The following TACC2 variants were observed in gnomAD, a reference collection of about 807,000 sequenced individuals.
TACC2 encodes transforming acidic coiled-coil containing protein 2.
TACC2 carries 137 observed loss-of-function variants against 227.3 expected under a neutral mutation model. The observed-to-expected ratio is 0.60, with a 90% CI of 0.52 to 0.69. TACC2 has a LOEUF of 0.69. TACC2 is among the 30% of genes least tolerant of loss of function. TACC2 has a pLI of 0.00. For missense variants in TACC2, 3,470 were observed against 3,694.4 expected (o/e 0.94, Z 1.57); for synonymous variants, 1,523 against 1,487.5 (o/e 1.02, Z -0.55).
intron 7 of TACC2, among the ~76,000 whole-genome samples, chr10:122,193,615 G>A (rs986107078): frequency 4.6e-5 from 7 of 152,166 alleles, no homozygotes; most frequent in African/African-American, 1.2e-4. Flanking sequence ...GGGATCATTC[G>A]TGCCATTCAG....
chr10:122,189,057 C>A (rs2094316722), intron 7 of TACC2, among the ~76,000 whole-genome samples: 1 of 152,002 alleles, frequency 6.6e-6, no homozygotes, highest in African/African-American at 2.4e-5. Context: ...TACAACAGAG[C>A]AATTCCTTTT....
At chr10:122,124,475 C>T (rs951537852) in intron 5 of TACC2, among the ~76,000 whole-genome samples, 10 of 152,210 alleles carry the variant, frequency 6.6e-5, no homozygotes, top group African/African-American at 1.9e-4. Flanking sequence ...TTAAATCTCT[C>T]ATGTTCCCCA....
chr10:121,992,780 C>A (rs957553824), intron 1 of TACC2, among the ~76,000 whole-genome samples: 1 of 151,970 alleles, frequency 6.6e-6, no homozygotes, highest in African/African-American at 2.4e-5. Flanking sequence ...CACGGCGAAA[C>A]CCCGTCTCTA....
chr10:122,209,397 C>T lies in TACC2; in HGVS notation c.5972-1000C>T, dbSNP rs2095232501. Among the ~76,000 whole-genome samples the T allele has an allele frequency of 6.6e-6, 1 of 152,196 alleles. No individual in the cohort carries two copies. The stretch of plus-strand genomic sequence containing the variant: ...CTCCGTATGCCTTCCTGCAGGATTT[C>T]TCTGTCTTCCTGTCCCACTCTTGAC... On this transcript the variant is annotated intron_variant, in intron 8 of 22. Transcript: ENST00000369005. This position sits in a 1 kb window ranked among gnomAD's most constrained non-coding sequence, Gnocchi z 4.5.
intron 11 of TACC2, among the ~76,000 whole-genome samples, chr10:122,222,633 C>T (rs192816003): frequency 3.3e-5 from 5 of 152,330 alleles, no homozygotes; most frequent in East Asian, 1.9e-4. Context: ...GAGTGAGCTC[C>T]GTGACCTAAA....
chr10:121,991,668 A>T (rs774676930), intron 1 of TACC2, among the ~76,000 whole-genome samples: 2 of 152,234 alleles, frequency 1.3e-5, no homozygotes, highest in African/African-American at 4.8e-5. Flanking sequence ...GCAGGTTTTC[A>T]TCAGGATCAT....
In TACC2 at chr10:122,083,291, C is replaced by T. The variant is rs371430835; in HGVS notation, c.791C>T (p.Ala264Val). The part of the protein sequence containing the change: ...AAAQQGTESS[A>V]VLEKSPLKPM... The stretch of plus-strand genomic sequence containing the variant: ...GCCCAGCAGGGCACAGAAAGCTCAG[C>T]GGTCTTGGAGAAGTCCCCCCTAAAA... Residue 264 changes from alanine to valine, a missense_variant, in exon 4 of 23, where the codon GCG (alanine) becomes GTG (valine). Ala to Val is a moderately conservative substitution (Grantham distance 64). Coordinates refer to ENST00000369005, the MANE Select transcript of TACC2 (RefSeq NM_206862.4). The T allele has an allele frequency of 7.0e-5, 113 of 1,613,844 alleles. No homozygotes were observed. Among genetic ancestry groups the T allele is most frequent in the South Asian group, 1.1e-4 (10 of 91,076 alleles).
At chr10:122,153,870 A>G (rs2092285450) in intron 7 of TACC2, among the ~76,000 whole-genome samples, 1 of 152,190 alleles carries the variant, frequency 6.6e-6, no homozygotes, top group African/African-American at 2.4e-5. Flanking sequence ...TTTTTGACTT[A>G]GGTGTCTGAG....
chr10:122,149,381 C>G (rs1245379791), intron 7 of TACC2, among the ~76,000 whole-genome samples: 5 of 152,194 alleles, frequency 3.3e-5, no homozygotes, highest in Non-Finnish European at 7.3e-5. Flanking sequence ...AGCCGGATCC[C>G]CGGTGCTGGG....
chr10:122,041,712 G>T (rs2074293725), intron 2 of TACC2, among the ~76,000 whole-genome samples: 1 of 152,192 alleles, frequency 6.6e-6, no homozygotes, highest in Admixed American at 6.5e-5. Flanking sequence ...CTCCCAAAGT[G>T]CTAGGATTAC....
chr10:122,142,009 A>G (rs2090641522), intron 6 of TACC2, among the ~76,000 whole-genome samples: 1 of 152,230 alleles, frequency 6.6e-6, no homozygotes, highest in African/African-American at 2.4e-5. Context: ...ATTCTTTTAC[A>G]AAATGATTAA....
intron 5 of TACC2, among the ~76,000 whole-genome samples, chr10:122,110,815 G>C (rs1468042287): frequency 6.6e-6 from 1 of 152,094 alleles, no homozygotes; most frequent in Non-Finnish European, 1.5e-5. Context: ...TTTGGCTTAA[G>C]ACAACACAAA....
Position 122,209,375 on chromosome 10 carries a change from C to T in TACC2, c.5972-1022C>T, listed in dbSNP as rs990978631. On this transcript the variant is annotated intron_variant, in intron 8 of 22. Coordinates refer to ENST00000369005, the MANE Select transcript of TACC2 (RefSeq NM_206862.4). This position sits in a 1 kb window ranked among gnomAD's most constrained non-coding sequence, Gnocchi z 4.5. ...TAGTATGAATATTTATGGAAGCCTC[C>T]GTATGCCTTCCTGCAGGATTTCTCT... Among the ~76,000 whole-genome samples the T allele has an allele frequency of 2.0e-5, 3 of 152,172 alleles. No homozygotes were observed. The highest frequency in any genetic ancestry group is 1.9e-4 in the East Asian group (1 of 5,182).
chr10:122,078,937 T>C (rs937608013), intron 3 of TACC2: 15 of 152,326 alleles, frequency 9.8e-5, no homozygotes, highest in Admixed American at 9.2e-4. Flanking sequence ...ACCGCACAAG[T>C]TTACAAGATG....
intron 7 of TACC2, among the ~76,000 whole-genome samples, chr10:122,173,138 G>A (rs555650672): frequency 2.6e-5 from 4 of 152,308 alleles, no homozygotes; most frequent in Admixed American, 2.0e-4. Flanking sequence ...TCCTACAGGG[G>A]TAATTGCTAG....
At chr10:122,156,301 G>A (rs1193905773) in intron 7 of TACC2, among the ~76,000 whole-genome samples, 1 of 149,626 alleles carries the variant, frequency 6.7e-6, no homozygotes, top group African/African-American at 2.5e-5. Flanking sequence ...TCGGCTCACT[G>A]CAAGCTCCGC....
At chr10:122,098,003 C>T (rs2081656348) in intron 5 of TACC2, among the ~76,000 whole-genome samples, 1 of 152,088 alleles carries the variant, frequency 6.6e-6, no homozygotes, top group South Asian at 2.1e-4. Flanking sequence ...GGTACACGCT[C>T]CTCTGCTAGA....
intron 3 of TACC2, chr10:122,052,220 G>C (rs2136227965): frequency 6.6e-6 from 1 of 152,236 alleles, no homozygotes; most frequent in African/African-American, 2.4e-5. Context: ...TGAGGCCCAG[G>C]GTCCAGCTCT....
chr10:122,219,561 C>G (rs192240560), intron 11 of TACC2, among the ~76,000 whole-genome samples: 1 of 152,176 alleles, frequency 6.6e-6, no homozygotes, highest in Non-Finnish European at 1.5e-5. Flanking sequence ...TTTGATCCTG[C>G]AGTGGGCATC....
Sources: allele counts gnomAD v4.1 joint callset (sites outside exome capture counted in the v4.1 genomes callset), GRCh38; gene constraint gnomAD v4.1.1; non-coding constraint Gnocchi (gnomAD v3.1); transcripts MANE v1.5; gene names NCBI Gene and HGNC (gene_info 2026-07-23, HGNC 2026-07-21).